Variants in PRMT1 observed in about 807,000 individuals in gnomAD.
The protein encoded by PRMT1 is protein arginine N-methyltransferase 1.
A neutral mutation model predicts 47.4 loss-of-function variants in PRMT1; 5 were observed. That is an observed-to-expected ratio of 0.11 (90% CI 0.06 to 0.22). PRMT1 has a LOEUF of 0.22. PRMT1 is among the 10% of genes least tolerant of loss of function. PRMT1 has a pLI of 1.00. For missense variants in PRMT1, 249 were observed against 518.4 expected, an observed-to-expected ratio of 0.48 and a Z score of 5.05; for synonymous variants, 227 against 204.6, an observed-to-expected ratio of 1.11 and a Z score of -0.94.
intron 5 of PRMT1, 32 bp from the exon 6 acceptor site, chr19:49,683,895 G>T (rs1186202341): frequency 1.3e-5 from 20 of 1,599,498 alleles, no homozygotes; most frequent in Admixed American, 1.8e-5. Flanking sequence ...GGCCTCCCGG[G>T]GGCTGACGTG....
upstream of PRMT1, chr19:49,677,085 C>A: frequency 2.2e-6 from 1 of 449,890 alleles, no homozygotes; most frequent in Non-Finnish European, 3.7e-6. Flanking sequence ...AGTTGGCAAA[C>A]CCCTGACCTA....
At position 49,685,682 on chromosome 19, in the gene PRMT1, G is replaced by A. The variant is rs2082194917; in HGVS notation, c.760-411G>A. On this transcript the variant is annotated intron_variant, in intron 8 of 10. Transcript: ENST00000454376. This position sits in a 1 kb window ranked among gnomAD's most constrained non-coding sequence, Gnocchi z 4.7. ...GGAGGAGAGGAGACTACAGGGGCAG[G>A]GACCCCACTCGGGCCACCCTCCTGA... 1 of 1,035,826 alleles carries A rather than the reference G, an allele frequency of 9.7e-7. No individual in the cohort carries two copies. The highest frequency in any genetic ancestry group is 1.7e-5 in the African/African-American group (1 of 58,516). The allele number at this position is 1,035,826 out of a possible 1,614,324, so 64.2% of individuals were successfully genotyped here. A position where few individuals can be genotyped will look rare whatever the true frequency, so the allele number is the denominator to read the frequency against.
chr19:49,677,322 C>T lies in PRMT1; in HGVS notation c.36+6C>T, dbSNP rs1033981140. 3 of 1,393,066 alleles carry T rather than the reference C, an allele frequency of 2.2e-6. No homozygotes were observed. The highest frequency in any genetic ancestry group is 2.9e-5 in the Admixed American group (1 of 33,988). 86.3% of individuals were successfully genotyped at this position (1,393,066 alleles called of 1,614,324 possible). On this transcript the variant is annotated splice_donor_region_variant and intron_variant, in intron 1 of 10. Coordinates refer to ENST00000454376, the MANE Select transcript of PRMT1 (RefSeq NM_001536.6). ...CCGCGAACTGCATCATGGAGGTGAG[C>T]GCTTGGAGCGCCGCCGTGGGCGGGA...
chr19:49,687,055 C>CT (rs749572278), intron 10 of PRMT1, among the ~76,000 whole-genome samples: 17 of 152,130 alleles, frequency 1.1e-4, no homozygotes, highest in Non-Finnish European at 2.5e-4. Flanking sequence ...GAGGTGACCT[C>CT]TGTCAGGCTG....
Position 49,677,286 on chromosome 19 carries a change from G to T in PRMT1, c.6G>T (p.Ala2=). M[A]AAEAANCIME... Reference sequence around the variant, plus strand: ...AGGAGTAGGTGCGGGTGAAGATGGCGGCAGCCGAGGCCGCGAACTGCATCA... The same window carrying T: ...AGGAGTAGGTGCGGGTGAAGATGGCTGCAGCCGAGGCCGCGAACTGCATCA... Residue 2 remains alanine, a synonymous_variant, in exon 1 of 11, where the codon GCG becomes GCT. Coordinates refer to ENST00000454376, the MANE Select transcript of PRMT1 (RefSeq NM_001536.6). The T allele has an allele frequency of 7.1e-7, 1 of 1,415,076 alleles. No homozygotes were observed. The highest frequency in any genetic ancestry group is 2.7e-5 in the East Asian group (1 of 36,390). 87.7% of individuals were successfully genotyped at this position (1,415,076 alleles called of 1,614,324 possible).
At chr19:49,679,453 G>C in intron 1 of PRMT1, 1 of 472,960 alleles carries the variant, frequency 2.1e-6, no homozygotes, top group South Asian at 1.6e-5. Flanking sequence ...TGCCAGCCCC[G>C]CTCCCTTCTG....
intron 10 of PRMT1, among the ~76,000 whole-genome samples, chr19:49,687,618 A>G (rs1471311788): frequency 6.6e-6 from 1 of 150,786 alleles, no homozygotes; most frequent in African/African-American, 2.4e-5. Flanking sequence ...GGGGGCTGGT[A>G]AATGTCCTGC....
rs7253632 is a variant in PRMT1 at position 49,678,691 on chromosome 19, A to G, written c.37-1181A>G. Among the ~76,000 whole-genome samples the G allele has an allele frequency of 4.6e-3, 706 of 152,132 alleles. 2 individuals are homozygous for G. The highest frequency in any genetic ancestry group is 0.016 in the African/African-American group (671 of 41,482). On this transcript the variant is annotated intron_variant, in intron 1 of 10. Transcript: ENST00000454376. The stretch of plus-strand genomic sequence containing the variant: ...TGGCTGGAGGGGCAGGTCAGCTCTC[A>G]GCTGTCAGGATGCAGCTCCCAGGGG...
At chr19:49,683,382 A>G (rs747591635) in intron 5 of PRMT1, among the ~76,000 whole-genome samples, 21 of 151,932 alleles carry the variant, frequency 1.4e-4, no homozygotes, top group Non-Finnish European at 2.6e-4. Flanking sequence ...TTATATCAAA[A>G]CCACCCAGTT....
Position 49,684,664 on chromosome 19 carries a change from AG to A in PRMT1, c.556-89del. 1 of 1,389,580 alleles carries A rather than the reference AG, an allele frequency of 7.2e-7. No homozygotes were observed. The highest frequency in any genetic ancestry group is 9.9e-7 in the Non-Finnish European group (1 of 1,007,812). 86.1% of individuals were successfully genotyped at this position (1,389,580 alleles called of 1,614,324 possible). A position where few individuals can be genotyped will look rare whatever the true frequency, so the allele number is the denominator to read the frequency against. On this transcript the variant is annotated intron_variant, in intron 6 of 10. Coordinates refer to ENST00000454376, the MANE Select transcript of PRMT1 (RefSeq NM_001536.6). The surrounding 1 kb of genome is among the most constrained non-coding windows in gnomAD (Gnocchi z 6.2). ...TGCCGCTGCGACATGAGGGTGGCCC[AG>A]ACCAGGGCAGGAGGCCACATCTTGG...
Position 49,682,066 on chromosome 19 carries a change from G to T in PRMT1, c.348+1G>T. ...GGCCGGGGCCCGCAAGGTCATCGGG[G>T]TGAGTCTCCAGGGTGGCCAGGCGGG... On this transcript the variant is annotated splice_donor_variant, in intron 4 of 10. Coordinates refer to ENST00000454376, the MANE Select transcript of PRMT1 (RefSeq NM_001536.6). LOFTEE classifies it high-confidence loss of function. 6.2e-7 allele frequency: 1 copy of T among 1,614,116 alleles called. No individual in the cohort carries two copies. The highest frequency in any genetic ancestry group is 8.5e-7 in the Non-Finnish European group (1 of 1,180,008).
chr19:49,682,136 T>G (rs766232573), intron 4 of PRMT1, 60 bp from the exon 5 acceptor site: 1 of 1,613,606 alleles, frequency 6.2e-7, no homozygotes, highest in Admixed American at 1.7e-5. Flanking sequence ...GCTCAGGGAT[T>G]GGATGGAGGT....
intron 1 of PRMT1, 74 bp downstream of exon 1, chr19:49,677,390 G>A (rs1471342884): frequency 2.3e-6 from 3 of 1,302,048 alleles, no homozygotes; most frequent in Non-Finnish European, 3.0e-6. Flanking sequence ...GGTGGGGAAA[G>A]GGCTCTAAGT....
chr19:49,679,562 G>A, intron 1 of PRMT1: 1 of 661,722 alleles, frequency 1.5e-6, no homozygotes, highest in South Asian at 1.5e-5. Context: ...TGGCGGTGGT[G>A]GGTGCCAATT....
chr19:49,688,380 CGTGACT>C lies in PRMT1; in HGVS notation c.*139_*144del, dbSNP rs2082244085. 1.3e-6 allele frequency: 1 copy of C among 751,562 alleles called. No homozygotes were observed. Among genetic ancestry groups the C allele is most frequent in the African/African-American group, 1.7e-5 (1 of 57,166 alleles). 46.6% of individuals were successfully genotyped at this position (751,562 alleles called of 1,614,324 possible). A position where few individuals can be genotyped will look rare whatever the true frequency, so the allele number is the denominator to read the frequency against. ...GGCTGGGGGGATGGGGAGGGCACAT[CGTGACT>C]GTGTTTTTCATAACTTATGTTTTTA... On this transcript the variant is annotated 3_prime_UTR_variant, in exon 11 of 11. Transcript: ENST00000454376. This position sits in a 1 kb window ranked among gnomAD's most constrained non-coding sequence, Gnocchi z 5.3.
Position 49,688,086 on chromosome 19 carries a change from G to A in PRMT1, c.1033-76G>A, listed in dbSNP as rs2082237139. On this transcript the variant is annotated intron_variant, in intron 10 of 10. Transcript: ENST00000454376. The surrounding 1 kb of genome is among the most constrained non-coding windows in gnomAD (Gnocchi z 5.3). Reference sequence around the variant, plus strand: ...GGAAGCTGGAGCCCGGCTCATCGTCGCATAGCCTGCCTGCACCCGCCCCCC... The same window carrying A: ...GGAAGCTGGAGCCCGGCTCATCGTCACATAGCCTGCCTGCACCCGCCCCCC... 7.0e-6 allele frequency: 9 copies of A among 1,286,354 alleles called. 1 individual carries two copies. Among genetic ancestry groups the A allele is most frequent in the Middle Eastern group, 1.8e-4 (1 of 5,466 alleles). The allele number at this position is 1,286,354 out of a possible 1,614,324, so 79.7% of individuals were successfully genotyped here.
At position 49,684,254 on chromosome 19, in the gene PRMT1, C is replaced by T. The variant is rs998693462; in HGVS notation, c.555+185C>T. Among the ~76,000 whole-genome samples, 12 of 151,652 alleles carry T rather than the reference C, an allele frequency of 7.9e-5. No homozygotes were observed. The highest frequency in any genetic ancestry group is 1.3e-4 in the Admixed American group (2 of 15,244). On this transcript the variant is annotated intron_variant, in intron 6 of 10. Coordinates refer to ENST00000454376, the MANE Select transcript of PRMT1 (RefSeq NM_001536.6). This position sits in a 1 kb window ranked among gnomAD's most constrained non-coding sequence, Gnocchi z 6.2. ...GGAGATGGTGCGATGTGGGGGAGGT[C>T]GTAGGAACAGGAAATCCGTAGCGGC...
Position 49,681,137 on chromosome 19 carries a change from C to T in PRMT1, c.192+549C>T, listed in dbSNP as rs538409945. Among the ~76,000 whole-genome samples, 4 of 152,312 alleles carry T rather than the reference C, an allele frequency of 2.6e-5. No individual in the cohort carries two copies. The South Asian group carries it at 8.3e-4, about 32-fold the overall frequency. ...CAATCATGGCTCACTGCAGCCTCGA[C>T]CTCCCCGGCTCAGGTGATCCCCCCA... On this transcript the variant is annotated intron_variant, in intron 3 of 10. Coordinates refer to ENST00000454376, the MANE Select transcript of PRMT1 (RefSeq NM_001536.6). This position sits in a 1 kb window ranked among gnomAD's most constrained non-coding sequence, Gnocchi z 4.4.
At chr19:49,677,377 T>C in intron 1 of PRMT1, 61 bp downstream of exon 1, 3 of 1,329,752 alleles carry the variant, frequency 2.3e-6, no homozygotes, top group Non-Finnish European at 2.9e-6. Flanking sequence ...TTCACGCCTC[T>C]GTGGTGGGGA....
Sources: gnomAD v4.1 joint callset for allele counts (sites outside exome capture counted in the v4.1 genomes callset) on GRCh38, gnomAD v4.1.1 for gene constraint, Gnocchi (gnomAD v3.1) non-coding constraint, MANE v1.5 for transcripts, NCBI Gene and HGNC (gene_info 2026-07-23, HGNC 2026-07-21) for gene names.